Variants in CST7 observed in about 807,000 individuals in gnomAD.
The protein encoded by CST7 is cystatin-F.
In CST7, 15 loss-of-function variants were observed where a neutral mutation model predicts 13.1. The ratio of observed to expected loss-of-function variants is 1.14; its 90% CI spans 0.77 to 1.76. The LOEUF (loss-of-function observed/expected upper bound fraction) is 1.76, where lower values mean the gene tolerates loss of function less well. Ranked by LOEUF, CST7 falls within the 40% of genes most tolerant of loss-of-function variation. The pLI is 0.00. For synonymous variants in CST7, 75 were observed against 66.9 expected, an observed-to-expected ratio of 1.12 and a Z score of -0.59; for missense variants, 193 against 178.8, an observed-to-expected ratio of 1.08 and a Z score of -0.45.
At chr20:24,949,680 C>A (rs950132332) in intron 1 of CST7, 105 bp downstream of exon 1, 13 of 1,432,148 alleles carry the variant, frequency 9.1e-6, no homozygotes, top group Middle Eastern at 1.8e-4. Flanking sequence ...GGAGCCCCCA[C>A]AGGACCATGC....
At chr20:24,955,063 A>C (rs992030773) in intron 1 of CST7, among the ~76,000 whole-genome samples, 1 of 152,118 alleles carries the variant, frequency 6.6e-6, no homozygotes, top group Non-Finnish European at 1.5e-5. Flanking sequence ...AACAAAAAAA[A>C]ACGCTAATCT....
At chr20:24,956,167 C>T (rs1487547245) in intron 1 of CST7, among the ~76,000 whole-genome samples, 1 of 152,200 alleles carries the variant, frequency 6.6e-6, no homozygotes, top group Non-Finnish European at 1.5e-5. Context: ...CACGTGGTGA[C>T]CAGAAACCTC....
chr20:24,950,629 T>G (rs191105909), intron 1 of CST7, among the ~76,000 whole-genome samples: 1 of 152,142 alleles, frequency 6.6e-6, no homozygotes, highest in African/African-American at 2.4e-5. Flanking sequence ...CTCTGGGTAG[T>G]GCTCAGCGAA....
intron 1 of CST7, among the ~76,000 whole-genome samples, chr20:24,954,834 AG>A (rs2087843011): frequency 6.6e-6 from 1 of 152,202 alleles, no homozygotes; most frequent in Non-Finnish European, 1.5e-5. Context: ...CTCAAGCAAA[AG>A]TAAATACATT....
intron 1 of CST7, among the ~76,000 whole-genome samples, chr20:24,952,262 G>A (rs898919347): frequency 1.3e-5 from 2 of 152,208 alleles, no homozygotes; most frequent in African/African-American, 4.8e-5. Flanking sequence ...TACAGGTGAG[G>A]ACACGGAGGC....
chr20:24,949,703 T>G lies in CST7; in HGVS notation c.70+128T>G, dbSNP rs529258564. 3 of 1,259,292 alleles carry G rather than the reference T, an allele frequency of 2.4e-6. No homozygotes were observed. The South Asian group carries it at 4.4e-5, about 18-fold the overall frequency. 78.0% of individuals were successfully genotyped at this position (1,259,292 alleles called of 1,614,324 possible). A position where few individuals can be genotyped will look rare whatever the true frequency, so the allele number is the denominator to read the frequency against. On this transcript the variant is annotated intron_variant, in intron 1 of 3. Coordinates refer to ENST00000480798, the MANE Select transcript of CST7 (RefSeq NM_003650.4). ...CACAGGACCATGCGGTGGTGAGAGG[T>G]GCTGGGAGTGGTGAGAGGGGCAAGG...
Position 24,957,304 on chromosome 20 carries a change from C to A in CST7, c.88C>A (p.Leu30Ile), listed in dbSNP as rs1355248633. The change falls in exon 2 of 4, where the codon CTT becomes ATT. Residue 30 changes from leucine (L) to isoleucine (I), a missense_variant. By Grantham distance (5) the Leu-to-Ile change is conservative (BLOSUM62 2). Coordinates refer to ENST00000480798, the MANE Select transcript of CST7 (RefSeq NM_003650.4). ...TCTTTCAGATACTTGTTCCCAGGAC[C>A]TTAACTCACGTGTGAAGCCAGGATT... ...GPSPDTCSQD[L>I]NSRVKPGFPK... 3 of 1,613,276 alleles carry A rather than the reference C, an allele frequency of 1.9e-6. No homozygotes were observed.
chr20:24,951,565 C>A (rs1289365696), intron 1 of CST7, among the ~76,000 whole-genome samples: 1 of 152,232 alleles, frequency 6.6e-6, no homozygotes, highest in Admixed American at 6.5e-5. Flanking sequence ...GTCCTGCCCC[C>A]ACTCCACAAC....
chr20:24,953,459 C>A (rs1456484891), intron 1 of CST7, among the ~76,000 whole-genome samples: 1 of 152,088 alleles, frequency 6.6e-6, no homozygotes, highest in Non-Finnish European at 1.5e-5. Context: ...CATCTTGGGC[C>A]AGCAGCAGCC....
At chr20:24,957,499 T>G (rs1184319841) in intron 2 of CST7, 40 bp downstream of exon 2, 2 of 1,594,344 alleles carry the variant, frequency 1.3e-6, no homozygotes, top group Non-Finnish European at 1.7e-6. Flanking sequence ...CGGACACCCC[T>G]AGGAAGCCGA....
At chr20:24,949,704 G>T (rs961216277) in intron 1 of CST7, 129 bp downstream of exon 1, 10 of 1,250,964 alleles carry the variant, frequency 8.0e-6, no homozygotes, top group African/African-American at 6.0e-5. Context: ...GGTGAGAGGT[G>T]CTGGGAGTGG....
chr20:24,959,575 G>C, intron 3 of CST7, 60 bp from the exon 4 acceptor site: 1 of 1,529,196 alleles, frequency 6.5e-7, no homozygotes, highest in South Asian at 1.1e-5. Context: ...ACCCCTCCAC[G>C]GGCAGAGGGC....
chr20:24,955,921 T>C (rs531682190), intron 1 of CST7, among the ~76,000 whole-genome samples: 1 of 152,254 alleles, frequency 6.6e-6, no homozygotes, highest in African/African-American at 2.4e-5. Flanking sequence ...TTTTTTGGGA[T>C]GGAAGGCCAG....
Position 24,959,807 on chromosome 20 carries a change from C to T in CST7, c.*95C>T. On this transcript the variant is annotated 3_prime_UTR_variant, in exon 4 of 4. Transcript: ENST00000480798. ...CGCCTCATGACCCAGCCTCACAGAC[C>T]CTCTCAGGCCTCTGACGAGTGAGCG... The T allele has an allele frequency of 2.4e-6, 3 of 1,227,470 alleles. No individual in the cohort carries two copies. Among genetic ancestry groups the T allele is most frequent in the Non-Finnish European group, 3.6e-6 (3 of 833,208 alleles). 76.0% of individuals were successfully genotyped at this position (1,227,470 alleles called of 1,614,324 possible).
At position 24,957,464 on chromosome 20, in the gene CST7, C is replaced by T. The variant is rs756868284; in HGVS notation, c.243+5C>T. ...ATCACAAGGGCCCTAGTTCAGGTAA[C>T]GGTCTGGGTTCTGGTCACATATCAC... On this transcript the variant is annotated splice_donor_5th_base_variant and intron_variant, in intron 2 of 3. Transcript: ENST00000480798. The T allele has an allele frequency of 6.1e-5, 98 of 1,612,610 alleles. No individual in the cohort carries two copies. Among genetic ancestry groups the T allele is most frequent in the Non-Finnish European group, 7.9e-5 (93 of 1,179,258 alleles).
At chr20:24,956,711 C>A (rs541862126) in intron 1 of CST7, among the ~76,000 whole-genome samples, 3 of 151,908 alleles carry the variant, frequency 2.0e-5, no homozygotes, top group South Asian at 2.1e-4. Context: ...GAGAGCCAGG[C>A]GGGCAAAAGG....
intron 1 of CST7, among the ~76,000 whole-genome samples, chr20:24,954,775 G>C (rs2087842846): frequency 6.6e-6 from 1 of 152,128 alleles, no homozygotes; most frequent in Admixed American, 6.5e-5. Flanking sequence ...AAATTTATTT[G>C]AAGTTCAGCG....
Position 24,958,959 on chromosome 20 carries a change from T to A in CST7, c.275T>A (p.Val92Glu). The change falls in exon 3 of 4, where the codon GTG becomes GAG. Residue 92 changes from valine to glutamate, a missense_variant. Coordinates refer to ENST00000480798, the MANE Select transcript of CST7 (RefSeq NM_003650.4). ...AAAGGCCTGAAATATATGCTGGAGGTGGAAATTGGCAGAACTACCTGCAAG... is the reference window on the plus strand; with the variant it reads ...AAAGGCCTGAAATATATGCTGGAGGAGGAAATTGGCAGAACTACCTGCAAG... ...IVKGLKYMLE[V>E]EIGRTTCKKN... 6.2e-7 allele frequency: 1 copy of A among 1,613,474 alleles called. No homozygotes were observed. Among genetic ancestry groups the A allele is most frequent in the East Asian group, 2.2e-5 (1 of 44,850 alleles).
chr20:24,953,386 G>A (rs151054298), intron 1 of CST7, among the ~76,000 whole-genome samples: 3 of 152,176 alleles, frequency 2.0e-5, no homozygotes, highest in South Asian at 4.1e-4. Context: ...CTGTATTTTC[G>A]TGATGATCCT....
Sources: gnomAD v4.1 joint callset for allele counts (sites outside exome capture counted in the v4.1 genomes callset) on GRCh38, gnomAD v4.1.1 for gene constraint, MANE v1.5 for transcripts, NCBI Gene and HGNC (gene_info 2026-07-23, HGNC 2026-07-21) for gene names.